The following NLRP6 variants were observed in gnomAD, a reference collection of about 807,000 sequenced individuals.
NLRP6 encodes NACHT, LRR and PYD domains-containing protein 6.
Under a neutral mutation model 70.9 loss-of-function variants are expected in NLRP6, and 55 were observed. That is an observed-to-expected ratio of 0.78 (90% CI 0.62 to 0.97). The LOEUF is 0.97. NLRP6 is among the 50% of genes least tolerant of loss of function. The probability of loss-of-function intolerance (pLI) is 0.00; values close to 1 mark genes in which losing one functional copy is unlikely to be tolerated. For missense variants in NLRP6, 1,241 were observed against 1,238.3 expected, an observed-to-expected ratio of 1.00 and a Z score of -0.03; for synonymous variants, 652 against 581.9, an observed-to-expected ratio of 1.12 and a Z score of -1.73.
chr11:279,564 C>A lies in NLRP6; in HGVS notation c.267C>A (p.Asp89Glu), dbSNP rs1013443831. ...EVARKTLKRA[D>E]ARDVAAQLQE... ...CCCGCAAGACCCTCAAGAGGGCGGACGCGCGCGACGTGGCGGCGCAGCTCC... is the reference window on the plus strand; with the variant it reads ...CCCGCAAGACCCTCAAGAGGGCGGAAGCGCGCGACGTGGCGGCGCAGCTCC... The change falls in exon 2 of 8, where the codon GAC becomes GAA. Residue 89 changes from aspartate (D) to glutamate (E), a missense_variant. Coordinates refer to ENST00000534750, the MANE Select transcript of NLRP6 (RefSeq NM_001276700.2). 2.1e-6 allele frequency: 3 copies of A among 1,427,414 alleles called. No individual in the cohort carries two copies. Among genetic ancestry groups the A allele is most frequent in the Admixed American group, 6.1e-5 (2 of 32,730 alleles). 88.4% of individuals were successfully genotyped at this position (1,427,414 alleles called of 1,614,324 possible).
At chr11:284,670 G>C in intron 7 of NLRP6, 28 bp downstream of exon 7, 1 of 1,580,396 alleles carries the variant, frequency 6.3e-7, no homozygotes, top group Non-Finnish European at 8.6e-7. Context: ...AAGGGTGCTG[G>C]GGACACAGCC....
At chr11:283,226 G>C (rs1008093411) in intron 5 of NLRP6, among the ~76,000 whole-genome samples, 1 of 151,984 alleles carries the variant, frequency 6.6e-6, no homozygotes, top group African/African-American at 2.4e-5. Context: ...CCATCTGTCC[G>C]AGCTTCCATT....
At position 281,265 on chromosome 11, in the gene NLRP6, T is replaced by G. The variant is rs770069502; in HGVS notation, c.1531T>G (p.Tyr511Asp). The G allele has an allele frequency of 2.5e-6, 4 of 1,611,368 alleles. No homozygotes were observed. In the South Asian group the frequency reaches 4.4e-5, roughly 18 times the overall value. The change falls in exon 4 of 8, where the codon TAC becomes GAC. Residue 511 changes from tyrosine to aspartate, a missense_variant. Physicochemically the swap from Tyr to Asp is radical, Grantham distance 160. Coordinates refer to ENST00000534750, the MANE Select transcript of NLRP6 (RefSeq NM_001276700.2). ...SFQEFLAALS[Y>D]LLEDGGVPRT... ...CCAGGAGTTCCTCGCGGCACTGTCC[T>G]ACCTGCTGGAGGACGGCGGGGTGCC...
Position 280,128 on chromosome 11 carries a change from C to G in NLRP6, c.394C>G (p.Arg132Gly), listed in dbSNP as rs571126349. Residue 132 changes from arginine to glycine, a missense_variant, in exon 4 of 8, where the codon CGG becomes GGG. Physicochemically the swap from Arg to Gly is moderately radical, Grantham distance 125 (BLOSUM62 -2). Transcript: ENST00000534750. ...GGAGCACGTGCTGCAGCTGCACGCT[C>G]GGGTGAAGGAGAGGAACGCCCGCTC... is the stretch of plus-strand genomic sequence containing the variant. ...YREHVLQLHA[R>G]VKERNARSVK... 6.5e-7 allele frequency: 1 copy of G among 1,536,264 alleles called. No homozygotes were observed. Among genetic ancestry groups the G allele is most frequent in the Non-Finnish European group, 8.7e-7 (1 of 1,143,678 alleles).
At chr11:285,109 A>ACT in intron 7 of NLRP6, 57 bp from the exon 8 acceptor site, 4 of 1,536,826 alleles carry the variant, frequency 2.6e-6, no homozygotes, top group Non-Finnish European at 1.8e-6. Flanking sequence ...ACTGCCCCCA[A>ACT]GCCCTGGCTG....
Position 280,906 on chromosome 11 carries a change from G to C in NLRP6, c.1172G>C (p.Cys391Ser). 6.2e-7 allele frequency: 1 copy of C among 1,613,324 alleles called. No homozygotes were observed. Among genetic ancestry groups the C allele is most frequent in the Non-Finnish European group, 8.5e-7 (1 of 1,179,916 alleles). The change falls in exon 4 of 8, where the codon TGC becomes TCC. Residue 391 changes from cysteine to serine, a missense_variant. Physicochemically the swap from Cys to Ser is moderately radical, Grantham distance 112 (BLOSUM62 -1). Coordinates refer to ENST00000534750, the MANE Select transcript of NLRP6 (RefSeq NM_001276700.2). ...GCGCTGTGCTTCGTGCCCTTCGTGT[G>C]CTGGATCGTGTGCACCGTGCTGCGC... ...LFALCFVPFV[C>S]WIVCTVLRQQ...
In NLRP6 at chr11:282,752, T is replaced by C. The variant is rs765579680; in HGVS notation, c.2153T>C (p.Leu718Pro). The change falls in exon 5 of 8, where the codon CTC (leucine) becomes CCC (proline). Residue 718 changes from leucine to proline, a missense_variant. Leu to Pro is a moderately conservative substitution (Grantham distance 98). Coordinates refer to ENST00000534750, the MANE Select transcript of NLRP6 (RefSeq NM_001276700.2). ...KQLPASLLHP[L>P]FQAMTDPLCH... ...CTGCCAGCCTCCCTTCTTCATCCAC[T>C]CTTTCAGGCAATGACTGACCCACTG... 6.2e-7 allele frequency: 1 copy of C among 1,614,122 alleles called. No homozygotes were observed. Among genetic ancestry groups the C allele is most frequent in the South Asian group, 1.1e-5 (1 of 91,082 alleles).
Position 281,695 on chromosome 11 carries a change from T to A in NLRP6, c.1961T>A (p.Met654Lys). Residue 654 changes from methionine (M) to lysine (K), a missense_variant, in exon 4 of 8, where the codon ATG becomes AAG. Coordinates refer to ENST00000534750, the MANE Select transcript of NLRP6 (RefSeq NM_001276700.2). ...CTGCAGCGAGTGCGCTTCTGCCGCA[T>A]GGACGTGGCTGTTCTGAGCTACTGC... ...LALQRVRFCRMDVAVLSYCVR... is the reference protein window; with the variant it reads ...LALQRVRFCRKDVAVLSYCVR... 6.2e-7 allele frequency: 1 copy of A among 1,613,462 alleles called. No homozygotes were observed. Among genetic ancestry groups the A allele is most frequent in the Non-Finnish European group, 8.5e-7 (1 of 1,180,024 alleles).
Position 280,733 on chromosome 11 carries a change from G to T in NLRP6, c.999G>T (p.Arg333Ser). 1 of 1,587,548 alleles carries T rather than the reference G, an allele frequency of 6.3e-7. No homozygotes were observed. The highest frequency in any genetic ancestry group is 1.1e-5 in the South Asian group (1 of 87,998). The part of the protein sequence containing the change: ...LVTTRAAAPG[R>S]LQGRLCSPQC... ...CCACGCGCGCCGCCGCCCCCGGGAG[G>T]CTGCAGGGCCGCCTGTGTTCCCCGC... Residue 333 changes from arginine (R) to serine (S), a missense_variant, in exon 4 of 8, where the codon AGG (arginine) becomes AGT (serine). By Grantham distance (110) the Arg-to-Ser change is moderately radical (BLOSUM62 -1). Coordinates refer to ENST00000534750, the MANE Select transcript of NLRP6 (RefSeq NM_001276700.2).
intron 1 of NLRP6, 142 bp from the exon 2 acceptor site, chr11:279,185 C>T: frequency 1.4e-5 from 10 of 739,712 alleles, no homozygotes; most frequent in Non-Finnish European, 3.7e-6. Flanking sequence ...TGCCCCCTCC[C>T]GCCACCCCAT....
In NLRP6 at chr11:285,187, C is replaced by G; in HGVS notation, c.2559C>G (p.Ser853Arg). Residue 853 changes from serine to arginine, a missense_variant, in exon 8 of 8, where the codon AGC (serine) becomes AGG (arginine). By Grantham distance (110) the Ser-to-Arg change is moderately radical. Transcript: ENST00000534750. ...QTLSLASVEL[S>R]EQSLQELQAV... ...GCAGTCTGGCCTCTGTGGAGCTGAG[C>G]GAGCAGTCACTACAGGAGCTTCAGG... 6.3e-7 allele frequency: 1 copy of G among 1,591,808 alleles called. No individual in the cohort carries two copies. The highest frequency in any genetic ancestry group is 8.6e-7 in the Non-Finnish European group (1 of 1,168,806).
chr11:280,647 G>A lies in NLRP6; in HGVS notation c.913G>A (p.Ala305Thr). 6.6e-7 allele frequency: 1 copy of A among 1,511,748 alleles called. No homozygotes were observed. The highest frequency in any genetic ancestry group is 8.8e-7 in the Non-Finnish European group (1 of 1,138,342). 93.6% of individuals were successfully genotyped at this position (1,511,748 alleles called of 1,614,324 possible). A position where few individuals can be genotyped will look rare whatever the true frequency, so the allele number is the denominator to read the frequency against. Residue 305 changes from alanine (A) to threonine (T), a missense_variant, in exon 4 of 8, where the codon GCG becomes ACG. By Grantham distance (58) the Ala-to-Thr change is moderately conservative. Coordinates refer to ENST00000534750, the MANE Select transcript of NLRP6 (RefSeq NM_001276700.2). ...AGACCCCTTCGAGGCGGCGAGCGGC[G>A]CGCGGGTGCTAGGCGGGCTGCTGAG... ...CTDPFEAASGARVLGGLLSKA... is the reference protein window; with the variant it reads ...CTDPFEAASGTRVLGGLLSKA...
At chr11:279,300 C>T (rs931893598) in intron 1 of NLRP6, 27 bp from the exon 2 acceptor site, 43 of 1,263,434 alleles carry the variant, frequency 3.4e-5, no homozygotes, top group South Asian at 8.5e-5. Context: ...GGCCGCTCCC[C>T]GATGACCCGC....
Position 280,396 on chromosome 11 carries a change from C to A in NLRP6, c.662C>A (p.Ala221Glu). Residue 221 changes from alanine to glutamate, a missense_variant, in exon 4 of 8, where the codon GCG (alanine) becomes GAG (glutamate). Coordinates refer to ENST00000534750, the MANE Select transcript of NLRP6 (RefSeq NM_001276700.2). The stretch of plus-strand genomic sequence containing the variant: ...AAAAAGATCCTGTACGACTGGGCGG[C>A]GGGCAAGCTGTACCAGGGCCAGGTG... Reference protein sequence around the residue: ...AAKKILYDWAAGKLYQGQVDF... With the variant: ...AAKKILYDWAEGKLYQGQVDF... The A allele has an allele frequency of 6.4e-7, 1 of 1,569,332 alleles. No individual in the cohort carries two copies. The highest frequency in any genetic ancestry group is 1.4e-5 in the African/African-American group (1 of 73,374).
chr11:284,740 C>A (rs770401097), intron 7 of NLRP6, 98 bp downstream of exon 7: 2 of 1,178,758 alleles, frequency 1.7e-6, no homozygotes, highest in East Asian at 2.6e-5. Context: ...AAGAGGGGCC[C>A]CTCCCAGAGA....
At position 281,566 on chromosome 11, in the gene NLRP6, A is replaced by C. The variant is rs748429524; in HGVS notation, c.1832A>C (p.Glu611Ala). The change falls in exon 4 of 8, where the codon GAG (glutamate) becomes GCG (alanine). Residue 611 changes from glutamate to alanine, a missense_variant. By Grantham distance (107) the Glu-to-Ala change is moderately radical. Coordinates refer to ENST00000534750, the MANE Select transcript of NLRP6 (RefSeq NM_001276700.2). ...ACCGAAGAGCCAGAGGAGGAGGAGGAGGGAGAGGAGCCCAACTACCCACTG... is the reference window on the plus strand; with the variant it reads ...ACCGAAGAGCCAGAGGAGGAGGAGGCGGGAGAGGAGCCCAACTACCCACTG... ...EDTEEPEEEE[E>A]GEEPNYPLEL... 5.0e-6 allele frequency: 8 copies of C among 1,608,726 alleles called. No individual in the cohort carries two copies. Among genetic ancestry groups the C allele is most frequent in the Non-Finnish European group, 6.8e-6 (8 of 1,177,380 alleles).
chr11:283,794 CA>C (rs1845513260), intron 5 of NLRP6, among the ~76,000 whole-genome samples: 1 of 150,728 alleles, frequency 6.6e-6, no homozygotes. Context: ...TGGAGATAAA[CA>C]TAAGAACCAA....
Position 280,571 on chromosome 11 carries a change from C to A in NLRP6, c.837C>A (p.Asp279Glu). 1 of 1,469,868 alleles carries A rather than the reference C, an allele frequency of 6.8e-7. No individual in the cohort carries two copies. The highest frequency in any genetic ancestry group is 8.9e-7 in the Non-Finnish European group (1 of 1,124,838). The allele number at this position is 1,469,868 out of a possible 1,614,324, so 91.1% of individuals were successfully genotyped here. A position where few individuals can be genotyped will look rare whatever the true frequency, so the allele number is the denominator to read the frequency against. ...AQPQRLLFIL[D>E]GADELPALGG... is the part of the protein sequence containing the mutation. Reference sequence around the variant, plus strand: ...CGCAGCGGCTGCTCTTCATCCTGGACGGCGCGGACGAGCTGCCGGCGCTGG... The same window carrying A: ...CGCAGCGGCTGCTCTTCATCCTGGAAGGCGCGGACGAGCTGCCGGCGCTGG... Residue 279 changes from aspartate to glutamate, a missense_variant, in exon 4 of 8, where the codon GAC (aspartate) becomes GAA (glutamate). Asp to Glu is a conservative substitution (Grantham distance 45, BLOSUM62 2). Transcript: ENST00000534750.
chr11:280,675 A>AG lies in NLRP6; in HGVS notation c.943dup (p.Ala315GlyfsTer51). 6.4e-7 allele frequency: 1 copy of AG among 1,554,140 alleles called. No homozygotes were observed. The highest frequency in any genetic ancestry group is 8.7e-7 in the Non-Finnish European group (1 of 1,155,266). On this transcript the variant is annotated frameshift_variant, in exon 4 of 8. Transcript: ENST00000534750. LOFTEE classifies it high-confidence loss of function. ...CGGGTGCTAGGCGGGCTGCTGAGCAAGGCGCTGCTGCCCACGGCCCTCCTG... is the reference window on the plus strand; with the variant it reads ...CGGGTGCTAGGCGGGCTGCTGAGCAAGGGCGCTGCTGCCCACGGCCCTCCTG...
Sources: gnomAD v4.1 joint callset for allele counts (sites outside exome capture counted in the v4.1 genomes callset) on GRCh38, gnomAD v4.1.1 for gene constraint, MANE v1.5 for transcripts, NCBI Gene and HGNC (gene_info 2026-07-23, HGNC 2026-07-21) for gene names.